SUPT3H: variants seen among roughly 807,000 people sequenced by gnomAD.
SUPT3H encodes SPT3 homolog, SAGA and STAGA complex component, also known as transcription initiation protein SPT3 homolog.
Under a neutral mutation model 44.3 loss-of-function variants are expected in SUPT3H, and 44 were observed. That is an observed-to-expected ratio of 0.99 (90% CI 0.78 to 1.28). SUPT3H has a LOEUF of 1.28. Among genes scored for constraint, SUPT3H ranks in the 50% most tolerant of loss-of-function variants. The pLI is 0.00. For synonymous variants in SUPT3H, 124 were observed against 125.6 expected, an observed-to-expected ratio of 0.99 and a Z score of 0.09; for missense variants, 380 against 387.1, an observed-to-expected ratio of 0.98 and a Z score of 0.15.
intron 10 of SUPT3H, among the ~76,000 whole-genome samples, chr6:44,887,031 A>C (rs1170610386): frequency 1.3e-5 from 2 of 152,224 alleles, no homozygotes; most frequent in East Asian, 3.8e-4. Context: ...AGGCCATTAC[A>C]TAATGGTAAA....
chr6:45,250,927 A>G (rs145349045), intron 2 of SUPT3H: 1 of 152,182 alleles, frequency 6.6e-6, no homozygotes, highest in East Asian at 1.9e-4. Flanking sequence ...CCTGGGCTCA[A>G]GCAAGTAGCT....
At chr6:45,313,514 T>C (rs1784266984) in intron 2 of SUPT3H, among the ~76,000 whole-genome samples, 1 of 151,954 alleles carries the variant, frequency 6.6e-6, no homozygotes, top group Non-Finnish European at 1.5e-5. Flanking sequence ...TATGAACACC[T>C]TTACACACAT....
intron 2 of SUPT3H, among the ~76,000 whole-genome samples, chr6:45,121,750 A>G (rs996518627): frequency 1.3e-5 from 2 of 152,074 alleles, no homozygotes; most frequent in Admixed American, 1.3e-4. Flanking sequence ...ATCTTGGCTC[A>G]CTGCAATCTC....
chr6:45,293,164 G>A (rs1780582010), intron 2 of SUPT3H, among the ~76,000 whole-genome samples: 1 of 151,986 alleles, frequency 6.6e-6, no homozygotes, highest in Non-Finnish European at 1.5e-5. Context: ...GATAAAACTG[G>A]AAATCAACCC....
At chr6:44,944,478 G>A (rs997448008) in intron 9 of SUPT3H, among the ~76,000 whole-genome samples, 3 of 151,790 alleles carry the variant, frequency 2.0e-5, no homozygotes, top group South Asian at 2.1e-4. Flanking sequence ...GATACAGATC[G>A]GGGGAGGGCA....
At chr6:45,101,215 C>T (rs1209944991) in intron 3 of SUPT3H, among the ~76,000 whole-genome samples, 2 of 152,162 alleles carry the variant, frequency 1.3e-5, no homozygotes, top group South Asian at 2.1e-4. Context: ...CACCTGAGGT[C>T]GGGAGTTTGA....
At chr6:45,187,887 G>C (rs1023206274) in intron 2 of SUPT3H, among the ~76,000 whole-genome samples, 1 of 152,206 alleles carries the variant, frequency 6.6e-6, no homozygotes, top group African/African-American at 2.4e-5. Flanking sequence ...TTCACTTTCT[G>C]AGGTTTCAGT....
At chr6:45,131,876 T>C (rs1394028852) in intron 2 of SUPT3H, among the ~76,000 whole-genome samples, 2 of 152,156 alleles carry the variant, frequency 1.3e-5, no homozygotes, top group Admixed American at 6.5e-5. Context: ...CCCCCCTTCA[T>C]TCATGGGAAA....
intron 10 of SUPT3H, among the ~76,000 whole-genome samples, chr6:44,891,677 G>C (rs894504377): frequency 6.6e-6 from 1 of 152,022 alleles, no homozygotes; most frequent in African/African-American, 2.4e-5. Flanking sequence ...AAAATGGATA[G>C]TGGTGGTGGT....
At chr6:45,195,500 C>A (rs1815867510) in intron 2 of SUPT3H, among the ~76,000 whole-genome samples, 1 of 152,070 alleles carries the variant, frequency 6.6e-6, no homozygotes, top group South Asian at 2.1e-4. Flanking sequence ...AAAAGAATTG[C>A]AAAGCACTGG....
intron 3 of SUPT3H, among the ~76,000 whole-genome samples, chr6:45,059,452 C>T (rs940430183): frequency 6.6e-6 from 1 of 151,970 alleles, no homozygotes; most frequent in African/African-American, 2.4e-5. Flanking sequence ...ATAATAAGAG[C>T]CATATATAAG....
chr6:45,198,311 A>G (rs978215001), intron 2 of SUPT3H, among the ~76,000 whole-genome samples: 1 of 144,620 alleles, frequency 6.9e-6, no homozygotes, highest in Non-Finnish European at 1.6e-5. Flanking sequence ...ACAGCAGCAG[A>G]AAAAAAAGGT....
intron 7 of SUPT3H, 136 bp downstream of exon 7, chr6:44,961,617 G>A (rs955673755): frequency 1.9e-5 from 13 of 670,944 alleles, no homozygotes; most frequent in African/African-American, 3.7e-5. Context: ...CAATGTAGAC[G>A]TTGTTTGTAT....
At chr6:44,913,335 TAAAAC>T (rs1001921782) in intron 10 of SUPT3H, among the ~76,000 whole-genome samples, 108 of 152,196 alleles carry the variant, frequency 7.1e-4, no homozygotes, top group African/African-American at 2.4e-3. Context: ...TTGGCATAAT[TAAAAC>T]AAAAAAAGAT....
rs1581744663 is a variant in SUPT3H at position 45,344,301 on chromosome 6, T to C, written c.101+20900A>G. On this transcript the variant is annotated intron_variant, in intron 2 of 10. Transcript: ENST00000371459. ...TTATACAGTTGGGAACCACTTCATT[T>C]ATACTTGGCCTAAACTTCCCCTTGT... Among the ~76,000 whole-genome samples the C allele has an allele frequency of 2.6e-5, 4 of 152,218 alleles. No individual in the cohort carries two copies. In the South Asian group the frequency reaches 8.3e-4, roughly 31 times the overall value.
chr6:45,248,467 T>A (rs1771766821), intron 2 of SUPT3H, among the ~76,000 whole-genome samples: 1 of 151,934 alleles, frequency 6.6e-6, no homozygotes, highest in South Asian at 2.1e-4. Context: ...CCAAGGAAGG[T>A]TTACAGATAG....
intron 6 of SUPT3H, among the ~76,000 whole-genome samples, chr6:44,986,498 G>A (rs1040724643): frequency 7.2e-5 from 11 of 152,142 alleles, no homozygotes; most frequent in Admixed American, 5.2e-4. Context: ...ACTTGGTAGA[G>A]GGAAATGTCT....
chr6:44,923,685 A>G (rs931337030), intron 10 of SUPT3H, among the ~76,000 whole-genome samples: 2 of 152,096 alleles, frequency 1.3e-5, no homozygotes, highest in African/African-American at 4.8e-5. Flanking sequence ...GTTATTGGCA[A>G]TACCAGGATT....
At chr6:45,237,185 G>T (rs545156673) in intron 2 of SUPT3H, among the ~76,000 whole-genome samples, 1 of 152,160 alleles carries the variant, frequency 6.6e-6, no homozygotes, top group Non-Finnish European at 1.5e-5. Context: ...TGTCCTACCC[G>T]TGAAATAACT....
Sources: gnomAD v4.1 joint callset for allele counts (sites outside exome capture counted in the v4.1 genomes callset) on GRCh38, gnomAD v4.1.1 for gene constraint, MANE v1.5 for transcripts, NCBI Gene and HGNC (gene_info 2026-07-23, HGNC 2026-07-21) for gene names.